TTC22: variants seen among roughly 807,000 people sequenced by gnomAD.
The protein encoded by TTC22 is tetratricopeptide repeat protein 22.
In TTC22, 42 loss-of-function variants were observed where a neutral mutation model predicts 48.2. The observed-to-expected ratio is 0.87, with a 90% CI of 0.68 to 1.13. The LOEUF (loss-of-function observed/expected upper bound fraction) is 1.13, where lower values mean the gene tolerates loss of function less well. TTC22 is among the 50% of genes most tolerant of loss of function. TTC22 has a pLI of 0.00. For missense variants in TTC22, 784 were observed against 807.0 expected, an observed-to-expected ratio of 0.97 and a Z score of 0.34; for synonymous variants, 345 against 365.5, an observed-to-expected ratio of 0.94 and a Z score of 0.64.
chr1:54,781,854 TA>T (rs988239634), intron 6 of TTC22, 75 bp from the exon 7 acceptor site: 554 of 1,282,114 alleles, frequency 4.3e-4, no homozygotes, highest in South Asian at 6.8e-4. Flanking sequence ...ACGCTTGCTT[TA>T]AAAAAAAATT....
intron 1 of TTC22, among the ~76,000 whole-genome samples, chr1:54,798,108 C>A (rs1388495270): frequency 2.0e-5 from 3 of 152,216 alleles, no homozygotes; most frequent in African/African-American, 4.8e-5. Flanking sequence ...CTGCATTATA[C>A]CCCATTTCTC....
intron 5 of TTC22, among the ~76,000 whole-genome samples, chr1:54,784,367 AT>A (rs1646284269): frequency 1.3e-5 from 2 of 152,268 alleles, no homozygotes; most frequent in South Asian, 4.2e-4. Flanking sequence ...AGAGGCCAGG[AT>A]CATAAGACAC....
At chr1:54,797,326 G>T (rs1312004113) in intron 1 of TTC22, among the ~76,000 whole-genome samples, 1 of 152,188 alleles carries the variant, frequency 6.6e-6, no homozygotes, top group Non-Finnish European at 1.5e-5. Context: ...GAGGAGGGGA[G>T]TGATCAAAGC....
chr1:54,788,395 C>T (rs1646323581), intron 1 of TTC22, among the ~76,000 whole-genome samples: 2 of 147,512 alleles, frequency 1.4e-5, no homozygotes, highest in Non-Finnish European at 3.0e-5. Context: ...AACCCCAGGG[C>T]GCACACCCCA....
Position 54,782,359 on chromosome 1 carries a change from C to G in TTC22, c.1139G>C (p.Cys380Ser). The G allele has an allele frequency of 6.5e-7, 1 of 1,549,988 alleles. No individual in the cohort carries two copies. Among genetic ancestry groups the G allele is most frequent in the Non-Finnish European group, 8.7e-7 (1 of 1,146,166 alleles). ...GTCCAGGTACGCCTTGAAGCCTGGG[C>G]ACACCCTGACCACTTCCTCAAGGTC... ...KADLEEVVRVCPGFKAYLDIG... is the reference protein window; with the variant it reads ...KADLEEVVRVSPGFKAYLDIG... Residue 380 changes from cysteine (C) to serine (S), a missense_variant, in exon 6 of 7, where the codon TGC (cysteine) becomes TCC (serine). By Grantham distance (112) the Cys-to-Ser change is moderately radical. Transcript: ENST00000371276.
chr1:54,798,243 C>A (rs1557777592), intron 1 of TTC22, among the ~76,000 whole-genome samples: 1 of 152,238 alleles, frequency 6.6e-6, no homozygotes, highest in Admixed American at 6.5e-5. Flanking sequence ...GGCACTCAAG[C>A]CCCCGTGCTC....
intron 1 of TTC22, among the ~76,000 whole-genome samples, chr1:54,795,961 C>T (rs1204464601): frequency 1.3e-5 from 2 of 152,246 alleles, no homozygotes; most frequent in Non-Finnish European, 2.9e-5. Flanking sequence ...CCACACGTGC[C>T]CTTGGGCAAG....
chr1:54,786,920 C>G, intron 4 of TTC22, 37 bp downstream of exon 4: 1 of 1,135,314 alleles, frequency 8.8e-7, no homozygotes, highest in Non-Finnish European at 1.2e-6. Context: ...CAGGCTCCTT[C>G]TCAGTTTAGA....
Position 54,801,147 on chromosome 1 carries a change from GC to G in TTC22, c.16del (p.Ala6LeufsTer6), listed in dbSNP as rs1646435082. On this transcript the variant is annotated frameshift_variant, in exon 1 of 7. Transcript: ENST00000371276. LOFTEE classifies it high-confidence loss of function. Reference protein sequence around the residue: MAELEAVADDLDALID... With the variant: MAELEXVADDLDALID... ...GAGGGCGTCTAGATCGTCGGCCACA[GC>G]CTCCAGCTCCGCCATGACTGCTCCC... The G allele has an allele frequency of 6.2e-7, 1 of 1,610,894 alleles. No homozygotes were observed. Among genetic ancestry groups the G allele is most frequent in the Middle Eastern group, 1.7e-4 (1 of 6,046 alleles).
At chr1:54,789,215 T>A (rs1646330896) in intron 1 of TTC22, among the ~76,000 whole-genome samples, 1 of 152,226 alleles carries the variant, frequency 6.6e-6, no homozygotes, top group South Asian at 2.1e-4. Context: ...AGCTGTGGTA[T>A]GAAGCCAGGC....
chr1:54,781,768 A>G lies in TTC22; in HGVS notation c.1185T>C (p.Tyr395=), dbSNP rs993719093. ...GCTCCTGCACCGCGTCCACGCCCAT[A>G]TAGTAGTAGACCTGGGGTCGGGGAC... The part of the protein sequence containing the change: ...AYLDIGQVYY[Y]MGVDAVQELL... The change falls in exon 7 of 7, where the codon TAT becomes TAC. Residue 395 remains tyrosine (Y), a synonymous_variant. Transcript: ENST00000371276. 97 of 1,457,458 alleles carry G rather than the reference A, an allele frequency of 6.7e-5. No homozygotes were observed. The Middle Eastern group carries it at 7.6e-4, about 11-fold the overall frequency. The allele number at this position is 1,457,458 out of a possible 1,614,324, so 90.3% of individuals were successfully genotyped here.
At chr1:54,793,912 A>C (rs752993580) in intron 1 of TTC22, among the ~76,000 whole-genome samples, 2 of 152,164 alleles carry the variant, frequency 1.3e-5, no homozygotes, top group Non-Finnish European at 2.9e-5. Flanking sequence ...TTAGCTCCAG[A>C]GTCTTTGCCT....
intron 1 of TTC22, 44 bp from the exon 2 acceptor site, chr1:54,788,141 T>C (rs1646320908): frequency 6.3e-7 from 1 of 1,592,444 alleles, no homozygotes; most frequent in Non-Finnish European, 8.6e-7. Flanking sequence ...ACTGAGGTAC[T>C]CTGGCCATTG....
At position 54,781,157 on chromosome 1, in the gene TTC22, G is replaced by C; in HGVS notation, c.*86C>G. On this transcript the variant is annotated 3_prime_UTR_variant, in exon 7 of 7. Transcript: ENST00000371276. ...GGCTCCGCTCCCAGGTCAGCCTAAG[G>C]CAGGGAGTCCATCCGGACCTGGTCC... The C allele has an allele frequency of 1.0e-6, 1 of 989,844 alleles. No individual in the cohort carries two copies. Among genetic ancestry groups the C allele is most frequent in the Admixed American group, 4.3e-5 (1 of 23,296 alleles). The allele number at this position is 989,844 out of a possible 1,614,324, so 61.3% of individuals were successfully genotyped here.
intron 1 of TTC22, among the ~76,000 whole-genome samples, chr1:54,797,167 A>G (rs1488443639): frequency 6.6e-6 from 1 of 152,212 alleles, no homozygotes; most frequent in Non-Finnish European, 1.5e-5. Flanking sequence ...ATGGAGGCAG[A>G]ATTCTCACCT....
chr1:54,799,607 A>G (rs568431027), intron 1 of TTC22, among the ~76,000 whole-genome samples: 1 of 152,310 alleles, frequency 6.6e-6, no homozygotes, highest in Admixed American at 6.5e-5. Context: ...CAACACATCA[A>G]TCTTGGTTGT....
At chr1:54,783,637 T>G (rs1646278885) in intron 5 of TTC22, among the ~76,000 whole-genome samples, 1 of 152,064 alleles carries the variant, frequency 6.6e-6, no homozygotes, top group Non-Finnish European at 1.5e-5. Context: ...AATATGTAAA[T>G]AGTGTGTAAG....
At chr1:54,785,851 T>C (rs904023186) in intron 5 of TTC22, 132 bp downstream of exon 5, 25 of 829,430 alleles carry the variant, frequency 3.0e-5, no homozygotes, top group Middle Eastern at 7.4e-4. Flanking sequence ...ACTGTGTTTT[T>C]TGATGGCTCC....
chr1:54,785,894 C>A, intron 5 of TTC22, 89 bp downstream of exon 5: 1 of 1,324,048 alleles, frequency 7.6e-7, no homozygotes, highest in Non-Finnish European at 1.0e-6. Flanking sequence ...ACTCCCTGAC[C>A]CTTGGGCCCT....
Sources: allele counts gnomAD v4.1 joint callset (sites outside exome capture counted in the v4.1 genomes callset), GRCh38; gene constraint gnomAD v4.1.1; transcripts MANE v1.5; gene names NCBI Gene and HGNC (gene_info 2026-07-23, HGNC 2026-07-21).